The following MRS2 variants were observed in gnomAD, a reference collection of about 807,000 sequenced individuals.
The protein encoded by MRS2 is magnesium transporter MRS2 homolog, mitochondrial.
MRS2 carries 40 observed loss-of-function variants against 52.6 expected under a neutral mutation model. The ratio of observed to expected loss-of-function variants is 0.76; its 90% confidence interval spans 0.59 to 0.99. MRS2 has a LOEUF of 0.99. Among genes scored for constraint, MRS2 ranks in the 50% least tolerant of loss-of-function variants. MRS2 has a pLI of 0.00. For synonymous variants in MRS2, 193 were observed against 195.9 expected (o/e 0.98, Z 0.13); for missense variants, 472 against 532.7 (o/e 0.89, Z 1.12).
chr6:24,403,358 G>T, intron 1 of MRS2, 122 bp downstream of exon 1: 1 of 993,820 alleles, frequency 1.0e-6, no homozygotes, highest in Non-Finnish European at 1.4e-6. Context: ...TCGGCCTCCC[G>T]CGTGTCCTGT....
rs749909870 is a variant in MRS2 at position 24,422,981 on chromosome 6, A to T, written c.1152A>T (p.Gly384=). 2 of 1,614,128 alleles carry T rather than the reference A, an allele frequency of 1.2e-6. No homozygotes were observed. The highest frequency in any genetic ancestry group is 1.7e-6 in the Non-Finnish European group (2 of 1,179,998). Residue 384 remains glycine, a synonymous_variant, in exon 10 of 11, where the codon GGA becomes GGT. Coordinates refer to ENST00000378386, the MANE Select transcript of MRS2 (RefSeq NM_020662.4). ...FWLITGIMFM[G]SGLIWRRLLS... is the part of the protein sequence containing the mutation. The stretch of plus-strand genomic sequence containing the variant: ...TGATTACAGGAATTATGTTCATGGG[A>T]AGTGGCCTCATCTGGAGGCGCCTGC...
chr6:24,423,105 T>TA, intron 10 of MRS2, 55 bp downstream of exon 10: 1 of 1,391,644 alleles, frequency 7.2e-7, no homozygotes, highest in African/African-American at 1.4e-5. Flanking sequence ...TCATGGGCCC[T>TA]AAAGTCAGAG....
chr6:24,419,863 CTG>C (rs10570292), intron 9 of MRS2, among the ~76,000 whole-genome samples: 3,453 of 152,284 alleles, frequency 0.023, 79 homozygotes, highest in African/African-American at 0.061. Context: ...AACCCACTGA[CTG>C]TGTTTTCACA....
chr6:24,424,269 G>A lies in MRS2; in HGVS notation c.*575G>A, dbSNP rs377079233. 1 of 151,130 alleles carries A rather than the reference G, an allele frequency of 6.6e-6. No individual in the cohort carries two copies. Among genetic ancestry groups the A allele is most frequent in the Non-Finnish European group, 1.5e-5 (1 of 67,990 alleles). 9.4% of individuals were successfully genotyped at this position (151,130 alleles called of 1,614,324 possible). On this transcript the variant is annotated 3_prime_UTR_variant, in exon 11 of 11. Coordinates refer to ENST00000378386, the MANE Select transcript of MRS2 (RefSeq NM_020662.4). Reference sequence around the variant, plus strand: ...AAAGAAATAATTTAATATCACCATTGTATGGATTCCTAATCAAGATTTCAC... The same window carrying A: ...AAAGAAATAATTTAATATCACCATTATATGGATTCCTAATCAAGATTTCAC...
intron 1 of MRS2, among the ~76,000 whole-genome samples, 194 bp downstream of exon 1, chr6:24,403,430 G>C (rs1043124191): frequency 1.3e-5 from 2 of 152,220 alleles, no homozygotes; most frequent in Non-Finnish European, 2.9e-5. Context: ...ACCTTGCTAT[G>C]TGCGCTGTGC....
At chr6:24,420,151 T>C (rs6899605) in intron 9 of MRS2, among the ~76,000 whole-genome samples, 3,239 of 152,332 alleles carry the variant, frequency 0.021, 120 homozygotes, top group African/African-American at 0.072. Context: ...AGCCACTTGT[T>C]ACTACCTCTC....
At chr6:24,408,295 A>T in intron 2 of MRS2, 113 bp from the exon 3 acceptor site, 1 of 687,034 alleles carries the variant, frequency 1.5e-6, no homozygotes, top group Non-Finnish European at 2.6e-6. Context: ...TTGCATTTCA[A>T]CATTTTGGGG....
chr6:24,418,607 TG>T (rs79973454), intron 9 of MRS2, 29 bp downstream of exon 9: 1 of 1,556,638 alleles, frequency 6.4e-7, no homozygotes, highest in African/African-American at 1.4e-5. Flanking sequence ...TTCTAAAACT[TG>T]GGGGTTTTGG....
intron 1 of MRS2, 52 bp downstream of exon 1, chr6:24,403,288 T>G: frequency 2.7e-6 from 4 of 1,470,134 alleles, no homozygotes; most frequent in Non-Finnish European, 3.6e-6. Flanking sequence ...GCAGTGACCT[T>G]AGACTGCTGC....
At chr6:24,409,230 T>A (rs1761572277) in intron 3 of MRS2, among the ~76,000 whole-genome samples, 1 of 152,236 alleles carries the variant, frequency 6.6e-6, no homozygotes, top group African/African-American at 2.4e-5. Context: ...CTCAAGGGTC[T>A]TCTAAGTAGT....
intron 2 of MRS2, among the ~76,000 whole-genome samples, chr6:24,407,161 C>CTG (rs1385490670): frequency 6.6e-6 from 1 of 151,712 alleles, no homozygotes; most frequent in African/African-American, 2.4e-5. Context: ...TAAAATTTGT[C>CTG]ATTTCAGGTG....
chr6:24,403,104 C>T lies in MRS2; in HGVS notation c.58C>T (p.Arg20Trp), dbSNP rs202196902. The change falls in exon 1 of 11, where the codon CGG (arginine) becomes TGG (tryptophan). Residue 20 changes from arginine (R) to tryptophan (W), a missense_variant. By Grantham distance (101) the Arg-to-Trp change is moderately radical (BLOSUM62 -3). Transcript: ENST00000378386. ...GCCCCGCGCGATGAGACTTCCCCGG[C>T]GGACGCTGTGTGCCCTGGCCTTGGA... ...LLPRAMRLPR[R>W]TLCALALDVT... The T allele has an allele frequency of 1.6e-5, 25 of 1,612,284 alleles. No homozygotes were observed. Among genetic ancestry groups the T allele is most frequent in the East Asian group, 2.2e-5 (1 of 44,820 alleles).
chr6:24,409,573 G>T lies in MRS2; in HGVS notation c.414G>T (p.Glu138Asp). The change falls in exon 4 of 11, where the codon GAG (glutamate) becomes GAT (aspartate). Residue 138 changes from glutamate to aspartate, a missense_variant and splice_region_variant. Transcript: ENST00000378386. ...ACAATAGGATTATCATGAGAATGGA[G>T]GTAAAATATTTTATTTTCATCTATG... is the stretch of plus-strand genomic sequence containing the variant. ...VRNNRIIMRM[E>D]YLKAVITPEC... 1 of 1,519,502 alleles carries T rather than the reference G, an allele frequency of 6.6e-7. No homozygotes were observed. The allele number at this position is 1,519,502 out of a possible 1,614,324, so 94.1% of individuals were successfully genotyped here.
chr6:24,404,291 C>A (rs1014040277), intron 1 of MRS2, among the ~76,000 whole-genome samples: 1 of 152,214 alleles, frequency 6.6e-6, no homozygotes, highest in African/African-American at 2.4e-5. Context: ...CCCGGTTACA[C>A]TCTAATTTGT....
chr6:24,409,641 T>G, intron 4 of MRS2, 68 bp downstream of exon 4: 2 of 969,708 alleles, frequency 2.1e-6, no homozygotes, highest in South Asian at 3.2e-5. Context: ...CTAACTATCT[T>G]GATTAGTATC....
At chr6:24,407,487 G>C (rs920672249) in intron 2 of MRS2, among the ~76,000 whole-genome samples, 1 of 152,124 alleles carries the variant, frequency 6.6e-6, no homozygotes, top group Non-Finnish European at 1.5e-5. Flanking sequence ...AAATGTGTCT[G>C]TCGTAGTAAG....
intron 2 of MRS2, among the ~76,000 whole-genome samples, chr6:24,407,539 G>A (rs181650858): frequency 6.6e-6 from 1 of 152,326 alleles, no homozygotes; most frequent in Non-Finnish European, 1.5e-5. Flanking sequence ...ATGTTTCACA[G>A]CTTCAAACTT....
At chr6:24,416,993 G>GT (rs1554126347) in intron 7 of MRS2, among the ~76,000 whole-genome samples, 1 of 152,032 alleles carries the variant, frequency 6.6e-6, no homozygotes, top group Non-Finnish European at 1.5e-5. Context: ...CCAGCTAAAT[G>GT]TTTACTTTTA....
At chr6:24,405,274 G>A (rs1561805130) in intron 2 of MRS2, 33 bp downstream of exon 2, 4 of 1,508,410 alleles carry the variant, frequency 2.7e-6, no homozygotes, top group Non-Finnish European at 3.7e-6. Flanking sequence ...AAATCGTACA[G>A]AAAGTGCTTC....
Sources: allele counts gnomAD v4.1 joint callset (sites outside exome capture counted in the v4.1 genomes callset), GRCh38; gene constraint gnomAD v4.1.1; transcripts MANE v1.5; gene names NCBI Gene and HGNC (gene_info 2026-07-23, HGNC 2026-07-21).